REL: variants seen among roughly 807,000 people sequenced by gnomAD.
REL encodes the protein REL proto-oncogene, NF-kB subunit, also known as proto-oncogene c-Rel.
A neutral mutation model predicts 45.9 loss-of-function variants in REL; 15 were observed. The observed-to-expected ratio is 0.33, with a 90% CI of 0.22 to 0.50. REL has a LOEUF of 0.50. REL is among the 20% of genes least tolerant of loss of function. REL has a pLI of 0.98. For synonymous variants in REL, 239 were observed against 242.1 expected, an observed-to-expected ratio of 0.99 and a Z score of 0.12; for missense variants, 601 against 715.2, an observed-to-expected ratio of 0.84 and a Z score of 1.82.
chr2:60,929,171 A>C lies in REL; in HGVS notation c.*6636A>C, dbSNP rs1309811097. 6.6e-6 allele frequency: 1 copy of C among 151,262 alleles called. No individual in the cohort carries two copies. The highest frequency in any genetic ancestry group is 1.9e-4 in the East Asian group (1 of 5,178). 9.4% of individuals were successfully genotyped at this position (151,262 alleles called of 1,614,324 possible). A position where few individuals can be genotyped will look rare whatever the true frequency, so the allele number is the denominator to read the frequency against. ...GCAATCATTAAAAAGTCAGGAGACAACAGGTGCTGGAGAGGATGTGGAGAA... is the reference window on the plus strand; with the variant it reads ...GCAATCATTAAAAAGTCAGGAGACACCAGGTGCTGGAGAGGATGTGGAGAA... On this transcript the variant is annotated 3_prime_UTR_variant, in exon 10 of 10. Coordinates refer to ENST00000394479, the MANE Select transcript of REL (RefSeq NM_001291746.2).
rs78586857 is a variant in REL, at chr2:60,922,403, T to C, written c.1632T>C (p.Asn544=). Residue 544 remains asparagine, a synonymous_variant, in exon 10 of 10, where the codon AAT becomes AAC. Transcript: ENST00000394479. ...DFSCADNSMI[N]ESGPSNSTNP... ...GTTGTGCAGATAACAGCATGATAAATGAGTCGGGACCATCAAACAGTACTA... is the reference window on the plus strand; with the variant it reads ...GTTGTGCAGATAACAGCATGATAAACGAGTCGGGACCATCAAACAGTACTA... 1,273 of 1,614,110 alleles carry C rather than the reference T, an allele frequency of 7.9e-4. 10 individuals are homozygous for C. In the African/African-American group the frequency reaches 0.014, roughly 18 times the overall value.
In REL at chr2:60,891,692, A is replaced by T; in HGVS notation, c.20A>T (p.Asn7Ile). MASGAY[N>I]PYIEIIEQPR... is the part of the protein sequence containing the mutation. ...TTTAAAAACTTTTCAGGTGCGTATA[A>T]CCCGTATATAGAGATAATTGAACAA... The change falls in exon 2 of 10, where the codon AAC (asparagine) becomes ATC (isoleucine). Residue 7 changes from asparagine to isoleucine, a missense_variant. By Grantham distance (149) the Asn-to-Ile change is moderately radical. This residue lies in a region of REL where 24 missense variants were observed against 18.2 expected (regional missense o/e 1.32). Coordinates refer to ENST00000394479, the MANE Select transcript of REL (RefSeq NM_001291746.2). The T allele has an allele frequency of 1.2e-6, 2 of 1,611,242 alleles. No homozygotes were observed. Among genetic ancestry groups the T allele is most frequent in the Non-Finnish European group, 1.7e-6 (2 of 1,178,642 alleles).
chr2:60,918,096 T>C, intron 5 of REL, 95 bp from the exon 6 acceptor site: 1 of 710,462 alleles, frequency 1.4e-6, no homozygotes, highest in Non-Finnish European at 2.4e-6. Flanking sequence ...AAAACTTTTA[T>C]TCTGTGAATG....
At chr2:60,884,831 G>T (rs1232175172) in intron 1 of REL, among the ~76,000 whole-genome samples, 4 of 152,162 alleles carry the variant, frequency 2.6e-5, no homozygotes, top group Non-Finnish European at 5.9e-5. Flanking sequence ...ACTATTTGTA[G>T]TGTGAATTTC....
intron 4 of REL, among the ~76,000 whole-genome samples, chr2:60,916,224 G>A (rs950606946): frequency 6.6e-6 from 1 of 152,036 alleles, no homozygotes; most frequent in Non-Finnish European, 1.5e-5. Flanking sequence ...ACCACCCTGG[G>A]CAACATAGTG....
chr2:60,884,627 C>G (rs1262549175), intron 1 of REL, among the ~76,000 whole-genome samples: 1 of 151,998 alleles, frequency 6.6e-6, no homozygotes, highest in African/African-American at 2.4e-5. Context: ...TCTCATTGTT[C>G]CAGTAAAAAG....
chr2:60,906,584 A>G (rs992582644), intron 4 of REL, among the ~76,000 whole-genome samples: 1 of 151,326 alleles, frequency 6.6e-6, no homozygotes, highest in Non-Finnish European at 1.5e-5. Context: ...TCAGCTTCCT[A>G]CCCCTCCTTC....
Position 60,891,700 on chromosome 2 carries a change from A to G in REL, c.28A>G (p.Ile10Val), listed in dbSNP as rs1390363101. Residue 10 changes from isoleucine (I) to valine (V), a missense_variant, in exon 2 of 10, where the codon ATA becomes GTA. By Grantham distance (29) the Ile-to-Val change is conservative (BLOSUM62 3). This residue lies in a region of REL where 24 missense variants were observed against 18.2 expected (regional missense o/e 1.32). Transcript: ENST00000394479. ...CTTTTCAGGTGCGTATAACCCGTATATAGAGATAATTGAACAACCCAGGCA... is the reference window on the plus strand; with the variant it reads ...CTTTTCAGGTGCGTATAACCCGTATGTAGAGATAATTGAACAACCCAGGCA... MASGAYNPYIEIIEQPRQRG... is the reference protein window; with the variant it reads MASGAYNPYVEIIEQPRQRG... 5.6e-6 allele frequency: 9 copies of G among 1,613,760 alleles called. No homozygotes were observed. In the East Asian group the frequency reaches 6.7e-5, roughly 12 times the overall value.
Position 60,881,714 on chromosome 2 carries a change from C to G in REL, c.-127C>G. The stretch of plus-strand genomic sequence containing the variant: ...CGGAGGGCGGGAAGAAGGAGGAGGC[C>G]TCTAGGGTGGTCGGGGGACTGGGGG... On this transcript the variant is annotated 5_prime_UTR_variant, in exon 1 of 10. Coordinates refer to ENST00000394479, the MANE Select transcript of REL (RefSeq NM_001291746.2). 1.4e-6 allele frequency: 1 copy of G among 738,628 alleles called. No individual in the cohort carries two copies. The highest frequency in any genetic ancestry group is 1.6e-5 in the South Asian group (1 of 62,586). 45.8% of individuals were successfully genotyped at this position (738,628 alleles called of 1,614,324 possible). A position where few individuals can be genotyped will look rare whatever the true frequency, so the allele number is the denominator to read the frequency against.
intron 1 of REL, among the ~76,000 whole-genome samples, chr2:60,882,136 C>A (rs1346910066): frequency 6.6e-6 from 1 of 152,056 alleles, no homozygotes; most frequent in East Asian, 1.9e-4. Flanking sequence ...CAAAGGAGGA[C>A]GAAGAGTTCT....
chr2:60,899,712 C>T (rs956707156), intron 3 of REL: 3 of 152,222 alleles, frequency 2.0e-5, no homozygotes, highest in Non-Finnish European at 4.4e-5. Context: ...CACGCCCACC[C>T]AATTTTACTG....
Position 60,921,757 on chromosome 2 carries a change from C to T in REL, c.992-6C>T. On this transcript the variant is annotated splice_polypyrimidine_tract_variant and splice_region_variant and intron_variant, in intron 9 of 9. Transcript: ENST00000394479. ...AATTTCGTAAAATAAATTTTTCCTC[C>T]CACAGAACCAAACTTGTTTTCTCAT... The T allele has an allele frequency of 6.4e-7, 1 of 1,567,972 alleles. No homozygotes were observed. The highest frequency in any genetic ancestry group is 8.7e-7 in the Non-Finnish European group (1 of 1,154,858).
rs530993045 is a variant in REL, at chr2:60,893,724, C to T, written c.154-673C>T. 4.5e-4 allele frequency among the ~76,000 whole-genome samples: 69 copies of T among 152,244 alleles called. 1 individual carries two copies. In the South Asian group the frequency reaches 0.013, roughly 30 times the overall value. ...CTACCCATTCTTACTTTACCTTGCT[C>T]CTTTGTGGTATGCTGGTTTTTATAG... On this transcript the variant is annotated intron_variant, in intron 2 of 9. Coordinates refer to ENST00000394479, the MANE Select transcript of REL (RefSeq NM_001291746.2).
At chr2:60,886,616 A>G (rs1673077873) in intron 1 of REL, among the ~76,000 whole-genome samples, 1 of 152,146 alleles carries the variant, frequency 6.6e-6, no homozygotes. Context: ...GGGTCTTAAA[A>G]TAATGTTATA....
intron 1 of REL, among the ~76,000 whole-genome samples, chr2:60,888,935 T>C (rs140722233): frequency 6.6e-6 from 1 of 152,360 alleles, no homozygotes; most frequent in East Asian, 1.9e-4. Flanking sequence ...ATTATTATAG[T>C]GGTCTCTAAA....
At position 60,891,788 on chromosome 2, in the gene REL, A is replaced by G. The variant is rs1450937287; in HGVS notation, c.116A>G (p.His39Arg). 2 of 1,613,950 alleles carry G rather than the reference A, an allele frequency of 1.2e-6. No individual in the cohort carries two copies. Among genetic ancestry groups the G allele is most frequent in the East Asian group, 4.5e-5 (2 of 44,888 alleles). The change falls in exon 2 of 10, where the codon CAC becomes CGC. Residue 39 changes from histidine to arginine, a missense_variant. Transcript: ENST00000394479. ...GRSAGSIPGE[H>R]STDNNRTYPS... ...TCAGCAGGCAGCATTCCAGGGGAGC[A>G]CAGCACAGACAACAACCGAACATAC...
chr2:60,908,946 G>C (rs754307367), intron 4 of REL, among the ~76,000 whole-genome samples: 9 of 152,104 alleles, frequency 5.9e-5, no homozygotes, highest in African/African-American at 9.7e-5. Flanking sequence ...ACAAGAAAAA[G>C]CCTTTCCTTA....
chr2:60,920,760 T>G (rs1408283410), intron 9 of REL, 118 bp downstream of exon 9: 1 of 627,752 alleles, frequency 1.6e-6, no homozygotes, highest in East Asian at 2.9e-5. Context: ...TCTCTCCAGA[T>G]TTTTCATGCT....
intron 9 of REL, 131 bp from the exon 10 acceptor site, chr2:60,921,632 T>G (rs535548044): frequency 3.3e-5 from 26 of 789,906 alleles, no homozygotes; most frequent in Non-Finnish European, 4.9e-5. Flanking sequence ...ATTTTTTTAT[T>G]TGAAATGTTA....
Sources: allele counts gnomAD v4.1 joint callset (sites outside exome capture counted in the v4.1 genomes callset), GRCh38; gene constraint gnomAD v4.1.1; regional missense constraint gnomAD v4.1.1; transcripts MANE v1.5; gene names NCBI Gene and HGNC (gene_info 2026-07-23, HGNC 2026-07-21).